PLS3: variants seen among roughly 807,000 people sequenced by gnomAD.
The protein encoded by PLS3 is plastin 3.
Under a neutral mutation model 46.5 loss-of-function variants are expected in PLS3, and 11 were observed. That is an observed-to-expected ratio of 0.24 (90% CI 0.15 to 0.39). PLS3 has a LOEUF of 0.39. Among genes scored for constraint, PLS3 ranks in the 10% least tolerant of loss-of-function variants. PLS3 has a pLI of 1.00. For missense variants in PLS3, 308 were observed against 461.8 expected (o/e 0.67, Z 3.05); for synonymous variants, 167 against 162.2 (o/e 1.03, Z -0.22).
intron 2 of PLS3, among the ~76,000 whole-genome samples, chrX:115,619,316 G>A (rs978358436): frequency 8.9e-6 from 1 of 112,256 alleles, no homozygotes; most frequent in Admixed American, 9.4e-5. Context: ...CTTCAAGCAT[G>A]TATGCTGTGT....
At chrX:115,571,559 GAGGAAA>G (rs1290198876) in intron 1 of PLS3, among the ~76,000 whole-genome samples, 7 of 108,894 alleles carry the variant, frequency 6.4e-5, no homozygotes, top group East Asian at 2.9e-4. Flanking sequence ...GAAAAGGAAA[GAGGAAA>G]AGGAAAAGGA....
intron 3 of PLS3, among the ~76,000 whole-genome samples, chrX:115,625,446 A>G (rs2074700770): frequency 9.1e-6 from 1 of 110,377 alleles, no homozygotes; most frequent in Non-Finnish European, 1.9e-5. Flanking sequence ...AAAATACTGG[A>G]TTTTTATGCT....
chrX:115,610,756 G>T, intron 2 of PLS3: 1 of 473,041 alleles, frequency 2.1e-6, no homozygotes, highest in Non-Finnish European at 3.2e-6. Flanking sequence ...AATTAGTTTG[G>T]CGTTATTGAC....
At chrX:115,632,404 GATTCGAGCT>G (rs2074786583) in intron 5 of PLS3, among the ~76,000 whole-genome samples, 1 of 110,652 alleles carries the variant, frequency 9.0e-6, no homozygotes. Context: ...AGGCTGCAGT[GATTCGAGCT>G]ACGATTTGGG....
At chrX:115,590,896 T>C (rs2074340477) in intron 1 of PLS3, among the ~76,000 whole-genome samples, 1 of 110,987 alleles carries the variant, frequency 9.0e-6, no homozygotes, top group Admixed American at 9.5e-5. Context: ...CCCAGCACTT[T>C]GGGAGGCTGA....
Position 115,610,258 on chromosome X carries a change from A to C in PLS3, c.8A>C (p.Glu3Ala), listed in dbSNP as rs782203071. MD[E>A]MATTQISKDE... The stretch of plus-strand genomic sequence containing the variant: ...TTTTCTTTAGATCTTTAAATGGATG[A>C]GATGGCTACCACTCAGATTTCCAAA... The change falls in exon 2 of 16, where the codon GAG becomes GCG. Residue 3 changes from glutamate (E) to alanine (A), a missense_variant. Glu to Ala is a moderately radical substitution (Grantham distance 107). Transcript: ENST00000355899. 2.2e-5 allele frequency: 25 copies of C among 1,147,757 alleles called. No homozygotes were observed. In the African/African-American group the frequency reaches 3.8e-4, roughly 17 times the overall value. 94.6% of individuals were successfully genotyped at this position (1,147,757 alleles called of 1,213,427 possible).
At chrX:115,576,885 A>G (rs781885709) in intron 1 of PLS3, among the ~76,000 whole-genome samples, 2 of 112,694 alleles carry the variant, frequency 1.8e-5, no homozygotes, top group African/African-American at 6.4e-5. Context: ...ACTAACATAA[A>G]TAAAACAGTG....
intron 2 of PLS3, among the ~76,000 whole-genome samples, chrX:115,611,093 G>A (rs1360111874): frequency 8.9e-6 from 1 of 112,109 alleles, no homozygotes; most frequent in African/African-American, 3.2e-5. Flanking sequence ...TACAGAATTA[G>A]CTCATATGAT....
At chrX:115,634,368 A>C (rs782343778) in intron 6 of PLS3, among the ~76,000 whole-genome samples, 1 of 112,255 alleles carries the variant, frequency 8.9e-6, no homozygotes, top group Non-Finnish European at 1.9e-5. Flanking sequence ...AGAAGTATAT[A>C]AGCTCTTAAT....
chrX:115,572,258 G>A (rs2074220982), intron 1 of PLS3, among the ~76,000 whole-genome samples: 2 of 111,363 alleles, frequency 1.8e-5, no homozygotes, highest in Non-Finnish European at 3.8e-5. Context: ...GGAGGCTGAG[G>A]CAGGAGGATT....
chrX:115,566,894 G>A (rs782571109), intron 1 of PLS3, among the ~76,000 whole-genome samples: 44 of 109,157 alleles, frequency 4.0e-4, no homozygotes, highest in African/African-American at 1.5e-3. Flanking sequence ...GGTCAGGCTG[G>A]TCTAGAATTC....
chrX:115,568,347 A>G (rs2074190856), intron 1 of PLS3, among the ~76,000 whole-genome samples: 2 of 112,324 alleles, frequency 1.8e-5, no homozygotes, highest in African/African-American at 6.5e-5. Flanking sequence ...ATTCAAGGTA[A>G]CTATAATTTT....
intron 1 of PLS3, among the ~76,000 whole-genome samples, chrX:115,596,772 G>C (rs1321903656): frequency 5.4e-5 from 6 of 110,704 alleles, no homozygotes; most frequent in African/African-American, 2.0e-4. Context: ...AGGAGTCGGA[G>C]GTTGCAGTGA....
chrX:115,604,781 C>T (rs188758098), intron 1 of PLS3, among the ~76,000 whole-genome samples: 2 of 111,152 alleles, frequency 1.8e-5, no homozygotes, highest in Admixed American at 1.9e-4. Context: ...AATAGAGCTT[C>T]TGTTATTTTA....
At chrX:115,564,224 A>T (rs1168181673) in intron 1 of PLS3, among the ~76,000 whole-genome samples, 1 of 112,055 alleles carries the variant, frequency 8.9e-6, no homozygotes, top group Non-Finnish European at 1.9e-5. Context: ...ATAAATAAAT[A>T]ACACTTTGCC....
At chrX:115,616,673 A>C (rs188586166) in intron 2 of PLS3, among the ~76,000 whole-genome samples, 182 of 111,887 alleles carry the variant, frequency 1.6e-3, no homozygotes, top group Non-Finnish European at 3.0e-3. Flanking sequence ...GAGGGTTCGA[A>C]ATAAAATTAG....
At chrX:115,601,576 T>A (rs1172531404) in intron 1 of PLS3, among the ~76,000 whole-genome samples, 1 of 109,834 alleles carries the variant, frequency 9.1e-6, no homozygotes, top group African/African-American at 3.3e-5. Context: ...GACACATGTA[T>A]ACATATGTAA....
In PLS3 at chrX:115,636,847, T is replaced by G; in HGVS notation, c.760T>G (p.Leu254Val). Residue 254 changes from leucine to valine, a missense_variant, in exon 8 of 16, where the codon TTA becomes GTA. This residue lies in a region of PLS3 where 271 missense variants were observed against 435.7 expected (regional missense o/e 0.62). Transcript: ENST00000355899. ...TTTTTTTCTTCTAGCCTTGGCTGCT[T>G]TACTCCGAGATGGTGAGACTTTGGA... ...ELSRNEALAALLRDGETLEEL... is the reference protein window; with the variant it reads ...ELSRNEALAAVLRDGETLEEL... 8.3e-7 allele frequency: 1 copy of G among 1,203,487 alleles called. No homozygotes were observed. Among genetic ancestry groups the G allele is most frequent in the Non-Finnish European group, 1.1e-6 (1 of 891,609 alleles).
intron 1 of PLS3, among the ~76,000 whole-genome samples, chrX:115,597,124 G>A (rs1314006125): frequency 6.4e-5 from 7 of 109,936 alleles, no homozygotes; most frequent in Non-Finnish European, 9.5e-5. Context: ...CAGCCTGGGC[G>A]ACAGAGTGAG....
Sources: allele counts gnomAD v4.1 joint callset (sites outside exome capture counted in the v4.1 genomes callset), GRCh38; gene constraint gnomAD v4.1.1; regional missense constraint gnomAD v4.1.1; transcripts MANE v1.5; gene names NCBI Gene and HGNC (gene_info 2026-07-23, HGNC 2026-07-21).